The following PDE4D variants were observed in gnomAD, a reference collection of about 807,000 sequenced individuals.
The protein encoded by PDE4D is 3',5'-cyclic-AMP phosphodiesterase 4D.
Under a neutral mutation model 87.4 loss-of-function variants are expected in PDE4D, and 24 were observed. That is an observed-to-expected ratio of 0.27 (90% CI 0.20 to 0.39). The LOEUF (loss-of-function observed/expected upper bound fraction) is 0.39. Ranked by LOEUF, PDE4D falls within the 10% of genes least tolerant of loss-of-function variation. The probability of loss-of-function intolerance (pLI) is 1.00; values close to 1 mark genes in which losing one functional copy is unlikely to be tolerated. For missense variants in PDE4D, 714 were observed against 1,041.0 expected (o/e 0.69, Z 4.32); for synonymous variants, 384 against 383.2 (o/e 1.00, Z -0.02).
intron 5 of PDE4D, among the ~76,000 whole-genome samples, chr5:59,066,700 G>A (rs1317538938): frequency 1.3e-5 from 2 of 152,094 alleles, no homozygotes; most frequent in Non-Finnish European, 2.9e-5. Context: ...ACATTCATAT[G>A]CGATGAAACC....
At chr5:60,210,226 T>A (rs977096414) in intron 1 of PDE4D, among the ~76,000 whole-genome samples, 2 of 152,138 alleles carry the variant, frequency 1.3e-5, no homozygotes, top group African/African-American at 4.8e-5. Flanking sequence ...TTTTAGTAAT[T>A]GTCCAGGTTT....
intron 1 of PDE4D, among the ~76,000 whole-genome samples, chr5:59,265,619 T>C (rs914827979): frequency 2.0e-5 from 3 of 152,100 alleles, no homozygotes; most frequent in Admixed American, 6.6e-5. Flanking sequence ...GCTAAGCACT[T>C]CAGGTAGATC....
chr5:60,133,751 TAA>T (rs1298497185), intron 2 of PDE4D, among the ~76,000 whole-genome samples: 1 of 152,154 alleles, frequency 6.6e-6, no homozygotes, highest in Non-Finnish European at 1.5e-5. Context: ...TCTTAATTAT[TAA>T]GGCTTTACAT....
intron 5 of PDE4D, chr5:59,166,318 G>A (rs1029374789): frequency 6.6e-6 from 1 of 152,190 alleles, no homozygotes; most frequent in Non-Finnish European, 1.5e-5. Context: ...CCTTTCTGTG[G>A]AAATGATGAA....
At chr5:60,450,106 A>G (rs1745978731) in intron 1 of PDE4D, among the ~76,000 whole-genome samples, 1 of 151,706 alleles carries the variant, frequency 6.6e-6, no homozygotes, top group Non-Finnish European at 1.5e-5. Flanking sequence ...CTAAATAATC[A>G]GAAGTTCACA....
In PDE4D at chr5:59,356,548, C is replaced by T. The variant is rs1781399976; in HGVS notation, c.456-140580G>A. Among the ~76,000 whole-genome samples, 4 of 152,150 alleles carry T rather than the reference C, an allele frequency of 2.6e-5. No homozygotes were observed. The South Asian group carries it at 8.3e-4, about 32-fold the overall frequency. ...TTTGCCATTTAACTCTCAGAATTAGCTTTTAAAGTTAGTCAACTTCCTTCA... is the reference window on the plus strand; with the variant it reads ...TTTGCCATTTAACTCTCAGAATTAGTTTTTAAAGTTAGTCAACTTCCTTCA... On this transcript the variant is annotated intron_variant, in intron 1 of 14. Coordinates refer to ENST00000340635, the MANE Select transcript of PDE4D (RefSeq NM_001104631.2).
chr5:59,609,031 G>A (rs1828618272), intron 1 of PDE4D, among the ~76,000 whole-genome samples: 1 of 152,134 alleles, frequency 6.6e-6, no homozygotes, highest in Admixed American at 6.6e-5. Flanking sequence ...GCTGAGCCTT[G>A]AGATGACTGT....
intron 3 of PDE4D, among the ~76,000 whole-genome samples, chr5:59,932,356 T>C (rs1561877212): frequency 6.6e-6 from 1 of 152,168 alleles, no homozygotes; most frequent in Non-Finnish European, 1.5e-5. Context: ...TGAGGGATAA[T>C]AGAGAGAGCT....
intron 1 of PDE4D, among the ~76,000 whole-genome samples, chr5:59,308,627 T>C (rs939211318): frequency 1.3e-5 from 2 of 151,234 alleles, no homozygotes; most frequent in Non-Finnish European, 1.5e-5. Flanking sequence ...TTTTCCTTTA[T>C]AGGTTACCAG....
chr5:59,774,226 AGAG>A (rs1272140211), intron 1 of PDE4D, among the ~76,000 whole-genome samples: 5 of 152,210 alleles, frequency 3.3e-5, no homozygotes, highest in East Asian at 1.9e-4. Flanking sequence ...ATAATTTGCA[AGAG>A]GAGGATTCTA....
chr5:59,029,816 G>C (rs1014358695), intron 6 of PDE4D, among the ~76,000 whole-genome samples: 1 of 152,116 alleles, frequency 6.6e-6, no homozygotes, highest in African/African-American at 2.4e-5. Context: ...AATCAAAACA[G>C]CATGTTATTG....
chr5:60,264,738 C>T (rs528412536), intron 1 of PDE4D, among the ~76,000 whole-genome samples: 17 of 152,204 alleles, frequency 1.1e-4, no homozygotes, highest in Non-Finnish European at 2.5e-4. Context: ...GCTTGGGACA[C>T]CTCTGAGGTT....
At position 59,794,252 on chromosome 5, in the gene PDE4D, GT is replaced by G. The variant is rs576427524; in HGVS notation, c.455+98915del. Among the ~76,000 whole-genome samples the G allele has an allele frequency of 4.4e-3, 666 of 152,010 alleles. 6 individuals are homozygous for G. The highest frequency in any genetic ancestry group is 7.5e-3 in the Non-Finnish European group (511 of 68,002). On this transcript the variant is annotated intron_variant, in intron 1 of 14. Transcript: ENST00000340635. ...GGCTTCATCTTTATATTCAGAACTTGTTTTTTTATCTTTCCTTTGAAGAGTA... is the reference window on the plus strand; with the variant it reads ...GGCTTCATCTTTATATTCAGAACTTGTTTTTTATCTTTCCTTTGAAGAGTA...
rs190386108 is a variant in PDE4D at position 59,184,977 on chromosome 5, C to T, written c.758+212G>A. On this transcript the variant is annotated intron_variant, in intron 4 of 14. Coordinates refer to ENST00000340635, the MANE Select transcript of PDE4D (RefSeq NM_001104631.2). The stretch of plus-strand genomic sequence containing the variant: ...GGTGATTTCTGACAGATGGAATCAC[C>T]ATATTTATTTGTCATACTGCTTCAT... 2.8e-3 allele frequency among the ~76,000 whole-genome samples: 423 copies of T among 152,152 alleles called. 4 individuals are homozygous for T. Among genetic ancestry groups the T allele is most frequent in the South Asian group, 0.017 (84 of 4,814 alleles).
chr5:59,810,921 A>G (rs1768282462), intron 1 of PDE4D, among the ~76,000 whole-genome samples: 1 of 152,210 alleles, frequency 6.6e-6, no homozygotes, highest in Admixed American at 6.5e-5. Context: ...CATTTAGCAG[A>G]TGGACTCACT....
intron 1 of PDE4D, among the ~76,000 whole-genome samples, chr5:59,807,664 A>C (rs915197650): frequency 6.6e-6 from 1 of 152,238 alleles, no homozygotes; most frequent in Non-Finnish European, 1.5e-5. Context: ...GAAAAAGGAC[A>C]GACCTTTAAC....
chr5:60,358,682 C>T (rs991457147), intron 1 of PDE4D, among the ~76,000 whole-genome samples: 1 of 152,122 alleles, frequency 6.6e-6, no homozygotes, highest in Non-Finnish European at 1.5e-5. Flanking sequence ...AAGCAAAATG[C>T]CAAAGCCCCT....
chr5:60,353,469 C>T (rs1265375542), intron 1 of PDE4D, among the ~76,000 whole-genome samples: 1 of 152,222 alleles, frequency 6.6e-6, no homozygotes, highest in East Asian at 1.9e-4. Context: ...TAACCCTCTG[C>T]ATGGTAGATG....
chr5:60,105,359 A>T (rs1279257922), intron 2 of PDE4D, among the ~76,000 whole-genome samples: 3 of 152,234 alleles, frequency 2.0e-5, no homozygotes, highest in African/African-American at 7.2e-5. Flanking sequence ...ATATGGGACT[A>T]TGTGAAAAGA....
Sources: allele counts gnomAD v4.1 joint callset (sites outside exome capture counted in the v4.1 genomes callset), GRCh38; gene constraint gnomAD v4.1.1; transcripts MANE v1.5; gene names NCBI Gene and HGNC (gene_info 2026-07-23, HGNC 2026-07-21).